NLRP9: variants seen among roughly 807,000 people sequenced by gnomAD.
The protein encoded by NLRP9 is NLR family pyrin domain containing 9, also known as NACHT, LRR and PYD domains-containing protein 9.
Under a neutral mutation model 83.1 loss-of-function variants are expected in NLRP9, and 88 were observed. That is an observed-to-expected ratio of 1.06 (90% CI 0.89 to 1.26). The LOEUF (loss-of-function observed/expected upper bound fraction) is 1.26. NLRP9 is among the 50% of genes most tolerant of loss of function. The pLI is 0.00. For missense variants in NLRP9, 1,308 were observed against 1,179.3 expected (o/e 1.11, Z -1.60); for synonymous variants, 521 against 447.6 (o/e 1.16, Z -2.07).
At chr19:55,730,679 T>A (rs937330159) in intron 2 of NLRP9, among the ~76,000 whole-genome samples, 1 of 152,142 alleles carries the variant, frequency 6.6e-6, no homozygotes, top group African/African-American at 2.4e-5. Flanking sequence ...ATACCACATG[T>A]TCTCACTTGT....
intron 6 of NLRP9, among the ~76,000 whole-genome samples, chr19:55,713,245 C>T (rs564577164): frequency 2.5e-4 from 38 of 151,628 alleles, no homozygotes; most frequent in Non-Finnish European, 4.3e-4. Flanking sequence ...AATCCCTCTC[C>T]AGGCCCCAAG....
At chr19:55,730,061 G>T (rs118057388) in intron 2 of NLRP9, 69 bp from the exon 3 acceptor site, 8 of 1,422,812 alleles carry the variant, frequency 5.6e-6, no homozygotes, top group Non-Finnish European at 6.8e-6. Flanking sequence ...AAAACAGGTC[G>T]AACACCATTT....
At position 55,712,550 on chromosome 19, in the gene NLRP9, T is replaced by A; in HGVS notation, c.2542A>T (p.Ile848Phe). 6.2e-7 allele frequency: 1 copy of A among 1,612,582 alleles called. No individual in the cohort carries two copies. The highest frequency in any genetic ancestry group is 8.5e-7 in the Non-Finnish European group (1 of 1,179,868). The change falls in exon 7 of 9, where the codon ATT becomes TTT. Residue 848 changes from isoleucine to phenylalanine, a missense_variant. Coordinates refer to ENST00000332836, the MANE Select transcript of NLRP9 (RefSeq NM_176820.4). The stretch of plus-strand genomic sequence containing the variant: ...CCATTGCAAATAAGAACAGCAGCAA[T>A]GTCCTTACAGGAATCGGAAGTAAGG... ...CFLTSDSCKD[I>F]AAVLICNGKL... is the part of the protein sequence containing the mutation.
rs977670575 is a variant in NLRP9 at position 55,728,342 on chromosome 19, C to T, written c.1994+1489G>A. ...CTGTAATCCCAGCACTTTGGGAGGCCGAGGCGGGCGCATCACAAGGCCAGG... is the reference window on the plus strand; with the variant it reads ...CTGTAATCCCAGCACTTTGGGAGGCTGAGGCGGGCGCATCACAAGGCCAGG... On this transcript the variant is annotated intron_variant, in intron 3 of 8. Coordinates refer to ENST00000332836, the MANE Select transcript of NLRP9 (RefSeq NM_176820.4). Among the ~76,000 whole-genome samples, 6 of 151,966 alleles carry T rather than the reference C, an allele frequency of 3.9e-5. No individual in the cohort carries two copies. In the South Asian group the frequency reaches 1.0e-3, roughly 26 times the overall value.
chr19:55,730,136 G>A (rs1219557755), intron 2 of NLRP9, 144 bp from the exon 3 acceptor site: 1 of 676,794 alleles, frequency 1.5e-6, no homozygotes, highest in African/African-American at 1.8e-5. Context: ...CAGGTAAACG[G>A]AGCCAACATG....
At chr19:55,735,019 T>A (rs2122340595) in intron 1 of NLRP9, among the ~76,000 whole-genome samples, 1 of 152,258 alleles carries the variant, frequency 6.6e-6, no homozygotes. Flanking sequence ...GTTCATAATC[T>A]GAGTTTTCAA....
intron 8 of NLRP9, among the ~76,000 whole-genome samples, chr19:55,711,104 AAAAC>A (rs1352386676): frequency 6.0e-5 from 7 of 116,156 alleles, no homozygotes; most frequent in Admixed American, 1.5e-4. Context: ...AAAACAAAAC[AAAAC>A]AAAAAAAAAA....
rs770005567 is a variant in NLRP9 at position 55,711,391 on chromosome 19, G to A, written c.2843+409C>T. 1.1e-4 allele frequency: 143 copies of A among 1,253,636 alleles called. No individual in the cohort carries two copies. The Admixed American group carries it at 1.9e-3, about 16-fold the overall frequency. The allele number at this position is 1,253,636 out of a possible 1,614,324, so 77.7% of individuals were successfully genotyped here. A position where few individuals can be genotyped will look rare whatever the true frequency, so the allele number is the denominator to read the frequency against. ...ACAACGTTAACTGCTGCCATTTGGC[G>A]AATGTATTTCTGAATCAAGACCTTA... On this transcript the variant is annotated intron_variant, in intron 8 of 8. Coordinates refer to ENST00000332836, the MANE Select transcript of NLRP9 (RefSeq NM_176820.4).
intron 8 of NLRP9, among the ~76,000 whole-genome samples, chr19:55,710,443 G>C (rs1022541355): frequency 1.3e-5 from 2 of 152,084 alleles, no homozygotes; most frequent in African/African-American, 4.8e-5. Context: ...GATATGGTTT[G>C]AATCTGTGTC....
rs142502675 is a variant in NLRP9, at chr19:55,733,430, T to C, written c.401A>G (p.Glu134Gly). The part of the protein sequence containing the change: ...YKETMKNEYK[E>G]LNDAYTAAAR... Reference sequence around the variant, plus strand: ...CGCAGCAGTATATGCGTCATTCAATTCTTTATACTCATTTTTCATGGTTTC... The same window carrying C: ...CGCAGCAGTATATGCGTCATTCAATCCTTTATACTCATTTTTCATGGTTTC... Residue 134 changes from glutamate to glycine, a missense_variant, in exon 2 of 9, where the codon GAA (glutamate) becomes GGA (glycine). Physicochemically the swap from Glu to Gly is moderately conservative, Grantham distance 98 (BLOSUM62 -2). Coordinates refer to ENST00000332836, the MANE Select transcript of NLRP9 (RefSeq NM_176820.4). 1.3e-4 allele frequency: 217 copies of C among 1,613,826 alleles called. No individual in the cohort carries two copies. The highest frequency in any genetic ancestry group is 1.8e-4 in the Non-Finnish European group (208 of 1,179,848).
At position 55,716,815 on chromosome 19, in the gene NLRP9, G is replaced by A. The variant is rs777697830; in HGVS notation, c.2243C>T (p.Ser748Phe). The A allele has an allele frequency of 1.9e-6, 3 of 1,613,832 alleles. No individual in the cohort carries two copies. The highest frequency in any genetic ancestry group is 1.3e-5 in the African/African-American group (1 of 75,018). The change falls in exon 5 of 9, where the codon TCC becomes TTC. Residue 748 changes from serine (S) to phenylalanine (F), a missense_variant. Coordinates refer to ENST00000332836, the MANE Select transcript of NLRP9 (RefSeq NM_176820.4). ...GTCCCTCAAGGGATTTTCTACCAAGGAGAGGTGTTTCAGCTTGCTGTTGCA... is the reference window on the plus strand; with the variant it reads ...GTCCCTCAAGGGATTTTCTACCAAGAAGAGGTGTTTCAGCTTGCTGTTGCA... ...LACNSKLKHL[S>F]LVENPLRDEG...
Position 55,729,050 on chromosome 19 carries a change from CTTTTTTTT to C in NLRP9, c.1994+773_1994+780del, listed in dbSNP as rs374589373. 1.2e-3 allele frequency among the ~76,000 whole-genome samples: 81 copies of C among 70,260 alleles called. No individual in the cohort carries two copies. The East Asian group carries it at 0.015, about 13-fold the overall frequency. The allele number at this position is 70,260 out of a possible 152,430, so 46.1% of individuals were successfully genotyped here. The stretch of plus-strand genomic sequence containing the variant: ...TTATGCTTATCTTATTTTTCTTTTT[CTTTTTTTT>C]TTTTTTTTTTTTTTTACAAATTTAA... On this transcript the variant is annotated intron_variant, in intron 3 of 8. Coordinates refer to ENST00000332836, the MANE Select transcript of NLRP9 (RefSeq NM_176820.4).
In NLRP9 at chr19:55,732,408, G is replaced by C; in HGVS notation, c.1423C>G (p.Gln475Glu). ...TGAACCACACTTGCTCTTACAAGCT[G>C]GGTTATGCTTCCAATGGCCGGGTTA... Reference protein sequence around the residue: ...DPNPAIGSITQLVRASVVQPQ... With the variant: ...DPNPAIGSITELVRASVVQPQ... The change falls in exon 2 of 9, where the codon CAG becomes GAG. Residue 475 changes from glutamine (Q) to glutamate (E), a missense_variant. Transcript: ENST00000332836. 6.2e-7 allele frequency: 1 copy of C among 1,614,222 alleles called. No individual in the cohort carries two copies. Among genetic ancestry groups the C allele is most frequent in the Non-Finnish European group, 8.5e-7 (1 of 1,180,042 alleles).
intron 1 of NLRP9, among the ~76,000 whole-genome samples, chr19:55,735,826 T>A (rs1988770914): frequency 6.6e-6 from 1 of 151,962 alleles, no homozygotes; most frequent in Admixed American, 6.6e-5. Context: ...TAGCTGGGAT[T>A]ACAGGCGTGC....
intron 3 of NLRP9, 93 bp from the exon 4 acceptor site, chr19:55,724,237 G>C: frequency 1.2e-6 from 1 of 803,448 alleles, no homozygotes; most frequent in African/African-American, 1.8e-5. Flanking sequence ...CCTGAATGCT[G>C]GGCCTCACCA....
At chr19:55,736,720 G>C (rs1264266482) in intron 1 of NLRP9, among the ~76,000 whole-genome samples, 2 of 152,056 alleles carry the variant, frequency 1.3e-5, no homozygotes, top group African/African-American at 2.4e-5. Flanking sequence ...TGTAATCCCA[G>C]CTACTCGGGA....
intron 1 of NLRP9, among the ~76,000 whole-genome samples, chr19:55,734,622 T>TAC (rs1988729986): frequency 9.7e-6 from 1 of 102,682 alleles, no homozygotes; most frequent in Non-Finnish European, 1.8e-5. Context: ...CACACACACA[T>TAC]ATATATATAT....
intron 4 of NLRP9, among the ~76,000 whole-genome samples, chr19:55,721,799 G>C (rs1483101114): frequency 6.6e-6 from 1 of 152,136 alleles, no homozygotes; most frequent in Non-Finnish European, 1.5e-5. Flanking sequence ...TGTTTCACAA[G>C]GTCTGATGGT....
rs1988607875 is a variant in NLRP9 at position 55,732,493 on chromosome 19, CAGATGCATGAAGGCAAAACAG to C, written c.1317_1337del (p.Asp439_Leu446delinsGlu). Reference sequence around the variant, plus strand: ...TGGCGGCACAAAACTCTTGGATACACAGATGCATGAAGGCAAAACAGTCCCCTCTCCTTTGGAGGAGTCTCA... The same window carrying C: ...TGGCGGCACAAAACTCTTGGATACACTCCCCTCTCCTTTGGAGGAGTCTCA... On this transcript the variant is annotated inframe_deletion, in exon 2 of 9. Transcript: ENST00000332836. 6.2e-7 allele frequency: 1 copy of C among 1,614,064 alleles called. No individual in the cohort carries two copies. Among genetic ancestry groups the C allele is most frequent in the South Asian group, 1.1e-5 (1 of 91,084 alleles).
Sources: allele counts gnomAD v4.1 joint callset (sites outside exome capture counted in the v4.1 genomes callset), GRCh38; gene constraint gnomAD v4.1.1; transcripts MANE v1.5; gene names NCBI Gene and HGNC (gene_info 2026-07-23, HGNC 2026-07-21).